Variants in USP9X observed in about 807,000 individuals in gnomAD.
The protein encoded by USP9X is ubiquitin carboxyl-terminal hydrolase 9X.
Under a neutral mutation model 190.3 loss-of-function variants are expected in USP9X, and 7 were observed. The observed-to-expected ratio is 0.04, with a 90% CI of 0.02 to 0.07. USP9X has a LOEUF of 0.07. Ranked by LOEUF, USP9X falls within the 10% of genes least tolerant of loss-of-function variation. The pLI is 1.00. For missense variants in USP9X, 1,010 were observed against 1,916.9 expected (o/e 0.53, Z 8.83); for synonymous variants, 645 against 659.5 (o/e 0.98, Z 0.34).
intron 11 of USP9X, among the ~76,000 whole-genome samples, chrX:41,146,971 A>T (rs182598189): frequency 9.0e-6 from 1 of 111,195 alleles, no homozygotes; most frequent in Non-Finnish European, 1.9e-5. Flanking sequence ...ATCATAAAAT[A>T]GTTTTAAAAC....
chrX:41,197,331 T>TGCCCCCC, intron 28 of USP9X, 33 bp from the exon 29 acceptor site: 1 of 486,766 alleles, frequency 2.1e-6, no homozygotes, highest in Non-Finnish European at 2.9e-6. Context: ...TTTGATTTCT[T>TGCCCCCC]CCCCCCCCCA....
chrX:41,224,561 G>A (rs2063296049), intron 39 of USP9X, among the ~76,000 whole-genome samples, 181 bp from the exon 40 acceptor site: 1 of 110,975 alleles, frequency 9.0e-6, no homozygotes. Flanking sequence ...ACTTGAACCT[G>A]GGAGGTGGCG....
chrX:41,201,195 C>T lies in USP9X; in HGVS notation c.4739C>T (p.Ser1580Phe). The T allele has an allele frequency of 8.3e-7, 1 of 1,211,344 alleles. No homozygotes were observed. The highest frequency in any genetic ancestry group is 3.0e-5 in the East Asian group (1 of 33,846). The change falls in exon 31 of 45, where the codon TCC (serine) becomes TTC (phenylalanine). Residue 1580 changes from serine to phenylalanine, a missense_variant. Ser to Phe is a radical substitution (Grantham distance 155). Transcript: ENST00000378308. Reference protein sequence around the residue: ...SVIQQLYMIPSIRNGILAIEG... With the variant: ...SVIQQLYMIPFIRNGILAIEG... ...ATTCAGCAACTCTACATGATTCCTTCCATTAGGAACGGTATTCTTGCCATT... is the reference window on the plus strand; with the variant it reads ...ATTCAGCAACTCTACATGATTCCTTTCATTAGGAACGGTATTCTTGCCATT...
At chrX:41,189,133 A>G (rs1289909524) in intron 25 of USP9X, among the ~76,000 whole-genome samples, 176 bp from the exon 26 acceptor site, 1 of 112,553 alleles carries the variant, frequency 8.9e-6, no homozygotes, top group Non-Finnish European at 1.9e-5. Flanking sequence ...TTTATTTTCT[A>G]TTATAGTCAT....
intron 12 of USP9X, among the ~76,000 whole-genome samples, chrX:41,149,725 A>G (rs1271009940): frequency 9.2e-6 from 1 of 108,203 alleles, no homozygotes; most frequent in Non-Finnish European, 1.9e-5. Flanking sequence ...TTTTTTTGAG[A>G]CGGAGTCTTG....
At chrX:41,171,568 C>G (rs1281237851) in intron 20 of USP9X, 1 of 319,209 alleles carries the variant, frequency 3.1e-6, no homozygotes, top group Non-Finnish European at 5.7e-6. Context: ...TTGTTATGTC[C>G]AGAGTCTAAA....
chrX:41,136,597 A>G (rs775343424), intron 5 of USP9X, among the ~76,000 whole-genome samples: 3 of 112,459 alleles, frequency 2.7e-5, no homozygotes, highest in Non-Finnish European at 5.6e-5. Context: ...TTTTTAAGCC[A>G]TAGCAAATGG....
chrX:41,155,950 A>C (rs1263738023), intron 14 of USP9X, among the ~76,000 whole-genome samples: 5 of 111,963 alleles, frequency 4.5e-5, no homozygotes, highest in Non-Finnish European at 9.4e-5. Flanking sequence ...ATTAGGTCAA[A>C]ATTAGTAATG....
At position 41,085,626 on chromosome X, in the gene USP9X, T is replaced by A; in HGVS notation, c.-642T>A. Reference sequence around the variant, plus strand: ...GGAGCCCGCCGCCGCCGCCTCTCTCTCACGGGAGGCGGCCGCCTTAGCGCC... The same window carrying A: ...GGAGCCCGCCGCCGCCGCCTCTCTCACACGGGAGGCGGCCGCCTTAGCGCC... On this transcript the variant is annotated 5_prime_UTR_variant, in exon 1 of 45. Transcript: ENST00000378308. 3.5e-6 allele frequency: 1 copy of A among 287,794 alleles called. No homozygotes were observed. The highest frequency in any genetic ancestry group is 6.1e-6 in the Non-Finnish European group (1 of 164,120). 23.7% of individuals were successfully genotyped at this position (287,794 alleles called of 1,213,427 possible).
At chrX:41,131,049 A>G (rs1037765575) in intron 3 of USP9X, among the ~76,000 whole-genome samples, 2 of 110,912 alleles carry the variant, frequency 1.8e-5, no homozygotes, top group African/African-American at 3.3e-5. Context: ...ACCAAAAAAA[A>G]AAAGGGGGGT....
At chrX:41,129,234 C>T (rs1221417929) in intron 3 of USP9X, 89 bp downstream of exon 3, 1 of 924,120 alleles carries the variant, frequency 1.1e-6, no homozygotes, top group African/African-American at 2.0e-5. Flanking sequence ...TCGTCACTGC[C>T]AAGTGCTTTA....
intron 14 of USP9X, among the ~76,000 whole-genome samples, chrX:41,158,474 T>A (rs183971401): frequency 6.3e-5 from 7 of 111,174 alleles, no homozygotes; most frequent in Admixed American, 5.7e-4. Flanking sequence ...CCAAGAATTT[T>A]ACATTCAGCA....
At chrX:41,216,915 C>T (rs1443578735) in intron 35 of USP9X, among the ~76,000 whole-genome samples, 1 of 110,108 alleles carries the variant, frequency 9.1e-6, no homozygotes, top group Non-Finnish European at 1.9e-5. Context: ...TGGTGGCATG[C>T]ACCTGTAGTC....
Position 41,186,573 on chromosome X carries a change from T to G in USP9X, c.3615T>G (p.Ile1205Met). ...AVVLQSALQS[I>M]PNPSSECMLR... The stretch of plus-strand genomic sequence containing the variant: ...TGCTACAAAGTGCCCTTCAGAGCAT[T>G]CCTAATCCATCATCCGAGTGCATGC... Residue 1205 changes from isoleucine to methionine, a missense_variant, in exon 24 of 45, where the codon ATT (isoleucine) becomes ATG (methionine). Transcript: ENST00000378308. 8.3e-7 allele frequency: 1 copy of G among 1,210,847 alleles called. No individual in the cohort carries two copies. Among genetic ancestry groups the G allele is most frequent in the Non-Finnish European group, 1.1e-6 (1 of 894,830 alleles).
intron 17 of USP9X, 25 bp from the exon 18 acceptor site, chrX:41,167,982 T>C (rs192622631): frequency 4.0e-4 from 463 of 1,166,128 alleles, no homozygotes; most frequent in Non-Finnish European, 5.3e-4. Context: ...ATTTTAACTG[T>C]GTTTATTTGG....
At chrX:41,192,767 A>T in intron 26 of USP9X, among the ~76,000 whole-genome samples, 1 of 111,793 alleles carries the variant, frequency 8.9e-6, no homozygotes, top group South Asian at 3.8e-4. Flanking sequence ...GGCAAAACAG[A>T]CAAAATCTTA....
intron 26 of USP9X, among the ~76,000 whole-genome samples, chrX:41,192,172 G>A (rs1252801277): frequency 8.9e-6 from 1 of 111,937 alleles, no homozygotes; most frequent in Non-Finnish European, 1.9e-5. Flanking sequence ...ATCTTTCCAT[G>A]TCTTCCCGTT....
chrX:41,203,698 ATTAT>A (rs1188437420), intron 31 of USP9X, among the ~76,000 whole-genome samples: 1 of 109,801 alleles, frequency 9.1e-6, no homozygotes, highest in African/African-American at 3.3e-5. Flanking sequence ...TTTTTATTTT[ATTAT>A]TTATTATTTT....
At position 41,194,824 on chromosome X, in the gene USP9X, C is replaced by T. The variant is rs770483899; in HGVS notation, c.3978-1427C>T. 4.5e-5 allele frequency among the ~76,000 whole-genome samples: 5 copies of T among 110,918 alleles called. No homozygotes were observed. In the South Asian group the frequency reaches 1.5e-3, roughly 34 times the overall value. On this transcript the variant is annotated intron_variant, in intron 26 of 44. Coordinates refer to ENST00000378308, the MANE Select transcript of USP9X (RefSeq NM_001039591.3). ...TGGTTCTTGAGGTCCTCTTATACGC[C>T]AGACACTATTCTAGGTTCCAATGGC...
Sources: gnomAD v4.1 joint callset for allele counts (sites outside exome capture counted in the v4.1 genomes callset) on GRCh38, gnomAD v4.1.1 for gene constraint, MANE v1.5 for transcripts, NCBI Gene and HGNC (gene_info 2026-07-23, HGNC 2026-07-21) for gene names.